Variants in LMBR1 observed in about 807,000 individuals in gnomAD.
The protein encoded by LMBR1 is limb development membrane protein 1, also known as limb region 1 protein homolog.
LMBR1 carries 52 observed loss-of-function variants against 73.9 expected under a neutral mutation model. That is an observed-to-expected ratio of 0.70 (90% CI 0.56 to 0.89). The LOEUF is 0.89. Ranked by LOEUF, LMBR1 falls within the 40% of genes least tolerant of loss-of-function variation. The pLI is 0.00. For missense variants in LMBR1, 539 were observed against 579.8 expected (o/e 0.93, Z 0.72); for synonymous variants, 215 against 209.4 (o/e 1.03, Z -0.23).
In LMBR1 at chr7:156,678,716, G is replaced by A. The variant is rs185090364; in HGVS notation, c.*5362C>T. 7.2e-5 allele frequency: 11 copies of A among 152,074 alleles called. No individual in the cohort carries two copies. Among genetic ancestry groups the A allele is most frequent in the Non-Finnish European group, 1.5e-4 (10 of 68,034 alleles). The allele number at this position is 152,074 out of a possible 1,614,324, so 9.4% of individuals were successfully genotyped here. ...CCTGGTCAGCTACAGCAGTCCCTACGGGATGTGGCCATTCCTCCCTTATTT... is the reference window on the plus strand; with the variant it reads ...CCTGGTCAGCTACAGCAGTCCCTACAGGATGTGGCCATTCCTCCCTTATTT... On this transcript the variant is annotated 3_prime_UTR_variant, in exon 17 of 17. Coordinates refer to ENST00000353442, the MANE Select transcript of LMBR1 (RefSeq NM_022458.4).
chr7:156,860,005 CT>C (rs1268874520), intron 1 of LMBR1, among the ~76,000 whole-genome samples: 4 of 152,166 alleles, frequency 2.6e-5, no homozygotes, highest in African/African-American at 9.7e-5. Context: ...GACAACTGAT[CT>C]TTGTCAAAGA....
rs1805108529 is a variant in LMBR1, at chr7:156,681,864, T to G, written c.*2214A>C. ...AACGTTTGGCCTCCGTATTCTGGCA[T>G]CCATTTCTGGAGTTCGTCATATAAA... On this transcript the variant is annotated 3_prime_UTR_variant, in exon 17 of 17. Transcript: ENST00000353442. The G allele has an allele frequency of 6.6e-6, 1 of 152,430 alleles. No individual in the cohort carries two copies. Among genetic ancestry groups the G allele is most frequent in the Non-Finnish European group, 1.5e-5 (1 of 68,078 alleles). The allele number at this position is 152,430 out of a possible 1,614,324, so 9.4% of individuals were successfully genotyped here. A position where few individuals can be genotyped will look rare whatever the true frequency, so the allele number is the denominator to read the frequency against.
intron 9 of LMBR1, among the ~76,000 whole-genome samples, chr7:156,752,052 A>C (rs959438884): frequency 2.0e-5 from 3 of 152,230 alleles, no homozygotes; most frequent in Non-Finnish European, 4.4e-5. Context: ...GACACAGAAA[A>C]GCCAGAAAAG....
chr7:156,859,859 C>T (rs1255589066), intron 1 of LMBR1, among the ~76,000 whole-genome samples: 6 of 152,080 alleles, frequency 3.9e-5, no homozygotes, highest in African/African-American at 1.4e-4. Flanking sequence ...TGAAGAAAAA[C>T]AAATTGGAGG....
chr7:156,724,381 G>A (rs1036064828), intron 14 of LMBR1, among the ~76,000 whole-genome samples: 4 of 152,104 alleles, frequency 2.6e-5, no homozygotes, highest in African/African-American at 9.7e-5. Context: ...TCTAGAAGAT[G>A]TTTACAGTAC....
chr7:156,768,834 A>G (rs1384869010), intron 5 of LMBR1, among the ~76,000 whole-genome samples: 1 of 152,142 alleles, frequency 6.6e-6, no homozygotes, highest in Non-Finnish European at 1.5e-5. Flanking sequence ...ATGGCCCCAC[A>G]GGTTGGGTAA....
In LMBR1 at chr7:156,809,147, G is replaced by A. The variant is rs181476744; in HGVS notation, c.320-12655C>T. The stretch of plus-strand genomic sequence containing the variant: ...AATGAGTTAAGATATATTCCCTCGG[G>A]TTTGTTTAGCTCACGGTTCCTAGAT... On this transcript the variant is annotated intron_variant, in intron 4 of 16. Transcript: ENST00000353442. Among the ~76,000 whole-genome samples the A allele has an allele frequency of 5.8e-4, 89 of 152,176 alleles. 1 individual carries two copies. Among genetic ancestry groups the A allele is most frequent in the Admixed American group, 4.9e-3 (75 of 15,282 alleles).
At chr7:156,718,767 T>C (rs1293810514) in intron 15 of LMBR1, among the ~76,000 whole-genome samples, 3 of 152,070 alleles carry the variant, frequency 2.0e-5, no homozygotes, top group Non-Finnish European at 4.4e-5. Context: ...AATACTCAGA[T>C]AGCTAGAGGT....
intron 1 of LMBR1, among the ~76,000 whole-genome samples, chr7:156,866,906 A>G (rs1798549950): frequency 6.6e-6 from 1 of 152,150 alleles, no homozygotes; most frequent in African/African-American, 2.4e-5. Flanking sequence ...CCAGCCTCTT[A>G]TGAGTTTTTA....
chr7:156,707,249 C>T (rs1344120210), intron 15 of LMBR1, among the ~76,000 whole-genome samples: 1 of 151,994 alleles, frequency 6.6e-6, no homozygotes, highest in African/African-American at 2.4e-5. Flanking sequence ...TTAAAAAAAT[C>T]TCTCAACAAA....
chr7:156,879,651 G>A (rs1414970601), intron 1 of LMBR1, among the ~76,000 whole-genome samples: 15 of 127,856 alleles, frequency 1.2e-4, no homozygotes, highest in South Asian at 5.0e-4. Flanking sequence ...GTGACAGAGC[G>A]AGACTCTGTC....
chr7:156,674,322 C>G (rs952948365), downstream of LMBR1, among the ~76,000 whole-genome samples: 1 of 152,234 alleles, frequency 6.6e-6, no homozygotes, highest in Non-Finnish European at 1.5e-5. Flanking sequence ...AACTACTTCA[C>G]GTGGCCCCAC....
At chr7:156,702,010 T>G (rs1809851885) in intron 15 of LMBR1, among the ~76,000 whole-genome samples, 1 of 152,258 alleles carries the variant, frequency 6.6e-6, no homozygotes, top group African/African-American at 2.4e-5. Context: ...TACCACATTT[T>G]CTTTATCTAG....
intron 5 of LMBR1, among the ~76,000 whole-genome samples, chr7:156,769,259 C>G (rs1824726021): frequency 6.6e-6 from 1 of 152,172 alleles, no homozygotes; most frequent in Non-Finnish European, 1.5e-5. Context: ...GACTGAGACT[C>G]CTTGACTCAG....
At chr7:156,887,327 G>A (rs1191697256) in intron 1 of LMBR1, among the ~76,000 whole-genome samples, 1 of 152,024 alleles carries the variant, frequency 6.6e-6, no homozygotes, top group African/African-American at 2.4e-5. Flanking sequence ...GCTGGGTGTG[G>A]TGACGCTCGC....
intron 15 of LMBR1, among the ~76,000 whole-genome samples, chr7:156,690,076 C>T (rs894031161): frequency 5.3e-5 from 8 of 152,302 alleles, no homozygotes; most frequent in African/African-American, 9.6e-5. Flanking sequence ...AGTTCACTGA[C>T]GGAGGACACG....
chr7:156,749,182 T>C lies in LMBR1; in HGVS notation c.757+7211A>G, dbSNP rs568718470. The stretch of plus-strand genomic sequence containing the variant: ...CGTAACTAACAGCAAATAGTATTTG[T>C]AGGATTGTCATTGCCAGAACCTAGA... On this transcript the variant is annotated intron_variant, in intron 9 of 16. Transcript: ENST00000353442. Among the ~76,000 whole-genome samples the C allele has an allele frequency of 3.9e-5, 6 of 152,334 alleles. No homozygotes were observed. The East Asian group carries it at 9.6e-4, about 24-fold the overall frequency.
chr7:156,876,343 A>G (rs1027407798), intron 1 of LMBR1, among the ~76,000 whole-genome samples: 1 of 152,208 alleles, frequency 6.6e-6, no homozygotes, highest in Non-Finnish European at 1.5e-5. Context: ...GACCTAAGAA[A>G]TAAGACAGAC....
At chr7:156,699,639 T>C (rs1809169530) in intron 15 of LMBR1, among the ~76,000 whole-genome samples, 2 of 151,206 alleles carry the variant, frequency 1.3e-5, no homozygotes, top group African/African-American at 2.4e-5. Flanking sequence ...TGGGAGAAAA[T>C]TTTTGCAACC....
Sources: allele counts gnomAD v4.1 joint callset (sites outside exome capture counted in the v4.1 genomes callset), GRCh38; gene constraint gnomAD v4.1.1; transcripts MANE v1.5; gene names NCBI Gene and HGNC (gene_info 2026-07-23, HGNC 2026-07-21).